Variants in UGT1A9 observed in about 807,000 individuals in gnomAD.
The protein encoded by UGT1A9 is UDP glucuronosyltransferase family 1 member A9.
Under a neutral mutation model 45.0 loss-of-function variants are expected in UGT1A9, and 35 were observed. That is an observed-to-expected ratio of 0.78 (90% CI 0.59 to 1.03). The LOEUF is 1.03. Ranked by LOEUF, UGT1A9 falls within the 50% of genes least tolerant of loss-of-function variation. The probability of loss-of-function intolerance (pLI) is 0.00; values close to 1 mark genes in which losing one functional copy is unlikely to be tolerated. For missense variants in UGT1A9, 687 were observed against 666.6 expected (o/e 1.03, Z -0.34); for synonymous variants, 278 against 250.6 (o/e 1.11, Z -1.03).
chr2:233,757,129 T>C (rs1190338249), intron 1 of UGT1A9, among the ~76,000 whole-genome samples: 1 of 150,874 alleles, frequency 6.6e-6, no homozygotes, highest in Non-Finnish European at 1.5e-5. Context: ...AGAGGAGGAA[T>C]GAGCTTGGAC....
At chr2:233,726,437 T>C (rs955428993) in intron 1 of UGT1A9, among the ~76,000 whole-genome samples, 7 of 152,238 alleles carry the variant, frequency 4.6e-5, no homozygotes, top group Non-Finnish European at 8.8e-5. Flanking sequence ...CTTAATCTTA[T>C]TCTTTCCACT....
intron 1 of UGT1A9, chr2:233,743,631 G>A: frequency 7.3e-7 from 1 of 1,367,310 alleles, no homozygotes; most frequent in South Asian, 1.1e-5. Flanking sequence ...ACGTCGGCTG[G>A]GTCGCGGAAG....
At chr2:233,743,230 T>A (rs751434159) in intron 1 of UGT1A9, 5 of 416,618 alleles carry the variant, frequency 1.2e-5, no homozygotes, top group Non-Finnish European at 2.4e-5. Flanking sequence ...TGCTATTTAT[T>A]ATGAAGGACT....
intron 1 of UGT1A9, among the ~76,000 whole-genome samples, chr2:233,723,515 T>A (rs1475684057): frequency 9.4e-6 from 1 of 106,756 alleles, no homozygotes; most frequent in Admixed American, 9.1e-5. Flanking sequence ...TGGTCAACAA[T>A]CTTTTTTTTT....
At chr2:233,693,644 G>A in intron 1 of UGT1A9, 1 of 1,614,158 alleles carries the variant, frequency 6.2e-7, no homozygotes, top group Non-Finnish European at 8.5e-7. Flanking sequence ...CAACTTCCTT[G>A]TTAATTTGTT....
Position 233,719,112 on chromosome 2 carries a change from C to T in UGT1A9, c.855+46323C>T, listed in dbSNP as rs201323245. On this transcript the variant is annotated intron_variant, in intron 1 of 4. Transcript: ENST00000354728. ...TGATCGCGTTACGCTGGGCTACACT[C>T]AAGGGTTCTTTGAAACAGAACATCT... 6.5e-5 allele frequency: 105 copies of T among 1,614,240 alleles called. 2 individuals are homozygous for T. The East Asian group carries it at 1.8e-3, about 28-fold the overall frequency.
chr2:233,713,177 C>G, intron 1 of UGT1A9: 1 of 1,614,182 alleles, frequency 6.2e-7, no homozygotes, highest in Non-Finnish European at 8.5e-7. Context: ...TGGTCCTCAC[C>G]CTGGAGGTGA....
chr2:233,723,417 T>A (rs2077082381), intron 1 of UGT1A9, among the ~76,000 whole-genome samples: 1 of 134,694 alleles, frequency 7.4e-6, no homozygotes, highest in Non-Finnish European at 1.6e-5. Context: ...ACCATACTGG[T>A]CAGGCTGGTC....
At chr2:233,729,839 T>A (rs749325726) in intron 1 of UGT1A9, 14 of 1,613,780 alleles carry the variant, frequency 8.7e-6, no homozygotes, top group Non-Finnish European at 4.2e-6. Context: ...GCCTCTGAGC[T>A]TTTTCAGAGA....
At chr2:233,711,268 G>T (rs1198771284) in intron 1 of UGT1A9, among the ~76,000 whole-genome samples, 1 of 152,206 alleles carries the variant, frequency 6.6e-6, no homozygotes, top group African/African-American at 2.4e-5. Context: ...CCTCCCCAGG[G>T]TCTAGGAGTC....
At chr2:233,687,961 T>G (rs760793244) in intron 1 of UGT1A9, among the ~76,000 whole-genome samples, 4 of 152,220 alleles carry the variant, frequency 2.6e-5, no homozygotes, top group Non-Finnish European at 5.9e-5. Context: ...AATTGATATG[T>G]AATTCATGTA....
chr2:233,682,035 T>A (rs776447036), intron 1 of UGT1A9: 27 of 1,613,988 alleles, frequency 1.7e-5, no homozygotes, highest in Non-Finnish European at 2.3e-5. Context: ...GTAGTGCCCA[T>A]GGATGGGAGC....
chr2:233,737,151 C>G (rs2078845599), intron 1 of UGT1A9, among the ~76,000 whole-genome samples: 1 of 152,244 alleles, frequency 6.6e-6, no homozygotes, highest in African/African-American at 2.4e-5. Flanking sequence ...CAGATATGCC[C>G]TGCCCACAGA....
intron 1 of UGT1A9, among the ~76,000 whole-genome samples, chr2:233,720,216 C>G (rs1381624179): frequency 6.6e-6 from 1 of 152,096 alleles, no homozygotes; most frequent in Non-Finnish European, 1.5e-5. Context: ...GGGATGGATG[C>G]ATGTGATCAG....
At chr2:233,716,310 C>G (rs1253519294) in intron 1 of UGT1A9, among the ~76,000 whole-genome samples, 4 of 152,212 alleles carry the variant, frequency 2.6e-5, no homozygotes, top group African/African-American at 9.7e-5. Flanking sequence ...TCTCTTCCAC[C>G]TGTAATGGAA....
At chr2:233,677,532 C>G (rs1215310768) in intron 1 of UGT1A9, among the ~76,000 whole-genome samples, 1 of 151,860 alleles carries the variant, frequency 6.6e-6, no homozygotes, top group Non-Finnish European at 1.5e-5. Flanking sequence ...ATGCAGCTAG[C>G]TAGAGAAAAG....
chr2:233,711,528 C>G (rs192551703), intron 1 of UGT1A9, among the ~76,000 whole-genome samples: 1 of 152,340 alleles, frequency 6.6e-6, no homozygotes, highest in East Asian at 1.9e-4. Flanking sequence ...CCTCACAACT[C>G]CCCGGGAATC....
chr2:233,729,080 A>T lies in UGT1A9; in HGVS notation c.856-37954A>T, dbSNP rs1488435672. 6 of 1,612,076 alleles carry T rather than the reference A, an allele frequency of 3.7e-6. No homozygotes were observed. In the African/African-American group the frequency reaches 8.0e-5, roughly 22 times the overall value. On this transcript the variant is annotated intron_variant, in intron 1 of 4. Transcript: ENST00000354728. Reference sequence around the variant, plus strand: ...TTAAGATGAAGAAAGCAAATGTAGCAGGCACAGCGTGGGGTGGACAGTCAG... The same window carrying T: ...TTAAGATGAAGAAAGCAAATGTAGCTGGCACAGCGTGGGGTGGACAGTCAG...
At chr2:233,756,789 G>A (rs1696325268) in intron 1 of UGT1A9, among the ~76,000 whole-genome samples, 1 of 151,900 alleles carries the variant, frequency 6.6e-6, no homozygotes, top group Admixed American at 6.6e-5. Context: ...AAATTGTGGG[G>A]CAATACACTA....
Sources: gnomAD v4.1 joint callset for allele counts (sites outside exome capture counted in the v4.1 genomes callset) on GRCh38, gnomAD v4.1.1 for gene constraint, MANE v1.5 for transcripts, NCBI Gene and HGNC (gene_info 2026-07-23, HGNC 2026-07-21) for gene names.